Variants in MBOAT4 observed in about 807,000 individuals in gnomAD.
MBOAT4 encodes membrane bound ghrelin O-acyltransferase MBOAT4.
MBOAT4 carries 11 observed loss-of-function variants against 13.2 expected under a neutral mutation model. The ratio of observed to expected loss-of-function variants is 0.84; its 90% CI spans 0.53 to 1.38. The LOEUF (loss-of-function observed/expected upper bound fraction) is 1.38. MBOAT4 is among the 40% of genes most tolerant of loss of function. MBOAT4 has a pLI of 0.00. For missense variants in MBOAT4, 481 were observed against 527.2 expected (o/e 0.91, Z 0.86); for synonymous variants, 202 against 210.3 (o/e 0.96, Z 0.34).
At chr8:30,143,647 T>C (rs886439471) in intron 1 of MBOAT4, among the ~76,000 whole-genome samples, 1 of 152,188 alleles carries the variant, frequency 6.6e-6, no homozygotes, top group Non-Finnish European at 1.5e-5. Context: ...GTGATAATTT[T>C]TGAACTTCAA....
At chr8:30,141,038 G>T (rs1341740924) in intron 1 of MBOAT4, among the ~76,000 whole-genome samples, 1 of 151,822 alleles carries the variant, frequency 6.6e-6, no homozygotes, top group East Asian at 1.9e-4. Flanking sequence ...ATGGGGATTT[G>T]CCATGTTGCC....
chr8:30,142,903 A>C (rs947580529), intron 1 of MBOAT4, among the ~76,000 whole-genome samples: 4 of 152,236 alleles, frequency 2.6e-5, no homozygotes, highest in South Asian at 4.1e-4. Context: ...TTATTTAAGA[A>C]TCCCAATATA....
chr8:30,136,542 C>T (rs2117541444), intron 2 of MBOAT4, among the ~76,000 whole-genome samples: 1 of 152,318 alleles, frequency 6.6e-6, no homozygotes, highest in East Asian at 1.9e-4. Context: ...TCTGCTCCAG[C>T]CTGCCTCGCA....
chr8:30,132,032 A>G lies in MBOAT4; in HGVS notation c.1219T>C (p.Leu407=). The G allele has an allele frequency of 1.9e-6, 3 of 1,551,884 alleles. No individual in the cohort carries two copies. The highest frequency in any genetic ancestry group is 2.7e-5 in the African/African-American group (2 of 73,154). Residue 407 remains leucine (L), a synonymous_variant, in exon 3 of 3, where the codon TTG becomes CTG. Transcript: ENST00000320542. ...ACACTGTTGTACGAATTACAGAGCA[A>G]CCAGAGAGAGGAGAGACTCCTGACC... ...VEVRSLSSLW[L]LCNSYNSVFP...
Position 30,132,917 on chromosome 8 carries a change from A to AT in MBOAT4, c.345-12dup. The AT allele has an allele frequency of 6.7e-7, 1 of 1,496,358 alleles. No individual in the cohort carries two copies. Among genetic ancestry groups the AT allele is most frequent in the Non-Finnish European group, 8.9e-7 (1 of 1,123,458 alleles). 92.7% of individuals were successfully genotyped at this position (1,496,358 alleles called of 1,614,324 possible). On this transcript the variant is annotated splice_polypyrimidine_tract_variant and intron_variant, in intron 2 of 2. Transcript: ENST00000320542. The stretch of plus-strand genomic sequence containing the variant: ...AGAGTGATGCAGAACCTGCAAGATA[A>AT]TTTTTTAAAGAACATAAAAACACTC...
intron 1 of MBOAT4, among the ~76,000 whole-genome samples, chr8:30,143,312 C>T (rs1386144353): frequency 7.0e-6 from 1 of 143,872 alleles, no homozygotes; most frequent in African/African-American, 2.7e-5. Flanking sequence ...CGTGCCACTG[C>T]ACTCCAGCCT....
Position 30,138,736 on chromosome 8 carries a change from C to T in MBOAT4, c.140G>A (p.Gly47Glu). The T allele has an allele frequency of 1.3e-6, 2 of 1,549,868 alleles. No homozygotes were observed. The highest frequency in any genetic ancestry group is 1.2e-5 in the South Asian group (1 of 83,982). ...TRARYLFLLT[G>E]GGALAVAAMG... ...GGCAGCCACGGCCAGGGCACCTCCT[C>T]CAGTCAGGAGAAAGAGGTACCTGAA... is the stretch of plus-strand genomic sequence containing the variant. Residue 47 changes from glycine (G) to glutamate (E), a missense_variant, in exon 2 of 3, where the codon GGA (glycine) becomes GAA (glutamate). Coordinates refer to ENST00000320542, the MANE Select transcript of MBOAT4 (RefSeq NM_001100916.2).
At chr8:30,134,734 G>C (rs1452677057) in intron 2 of MBOAT4, among the ~76,000 whole-genome samples, 1 of 152,074 alleles carries the variant, frequency 6.6e-6, no homozygotes, top group Non-Finnish European at 1.5e-5. Context: ...TTTTAGTAGA[G>C]ACAGGGTTTC....
At chr8:30,144,019 C>A (rs574382069) in intron 1 of MBOAT4, among the ~76,000 whole-genome samples, 2 of 152,230 alleles carry the variant, frequency 1.3e-5, no homozygotes, top group African/African-American at 4.8e-5. Context: ...TATATATATT[C>A]ATTATCAAAT....
chr8:30,132,276 C>T lies in MBOAT4; in HGVS notation c.975G>A (p.Trp325Ter), dbSNP rs1466537760. ...RRLVFQHSRA[W>*]PLLQTFAFSA... ...AGAAGGCAAATGTCTGCAACAACGG[C>T]CAAGCCCTGCTGTGCTGGAATACAA... The change falls in exon 3 of 3, where the codon TGG becomes TGA. Residue 325 changes from tryptophan to a stop codon, truncating the protein, a stop_gained. Coordinates refer to ENST00000320542, the MANE Select transcript of MBOAT4 (RefSeq NM_001100916.2). LOFTEE classifies it low-confidence loss of function (END_TRUNC). 1.3e-6 allele frequency: 2 copies of T among 1,551,766 alleles called. No individual in the cohort carries two copies. The highest frequency in any genetic ancestry group is 2.0e-5 in the Admixed American group (1 of 51,008).
In MBOAT4 at chr8:30,138,770, G is replaced by A. The variant is rs144362834; in HGVS notation, c.120-14C>T. ...AGAAAGAGGTACCTGAAAGAGAAGGGACACCTTGGGGAGAATGACTTAGAA... is the reference window on the plus strand; with the variant it reads ...AGAAAGAGGTACCTGAAAGAGAAGGAACACCTTGGGGAGAATGACTTAGAA... On this transcript the variant is annotated splice_polypyrimidine_tract_variant and intron_variant, in intron 1 of 2. Coordinates refer to ENST00000320542, the MANE Select transcript of MBOAT4 (RefSeq NM_001100916.2). The A allele has an allele frequency of 5.4e-5, 83 of 1,540,374 alleles. No homozygotes were observed. The African/African-American group carries it at 1.0e-3, about 19-fold the overall frequency.
rs1035511932 is a variant in MBOAT4, at chr8:30,132,274, G to A, written c.977C>T (p.Pro326Leu). The A allele has an allele frequency of 6.4e-7, 1 of 1,551,636 alleles. No individual in the cohort carries two copies. Among genetic ancestry groups the A allele is most frequent in the African/African-American group, 1.4e-5 (1 of 73,060 alleles). The change falls in exon 3 of 3, where the codon CCG becomes CTG. Residue 326 changes from proline (P) to leucine (L), a missense_variant. By Grantham distance (98) the Pro-to-Leu change is moderately conservative (BLOSUM62 -3). Transcript: ENST00000320542. The part of the protein sequence containing the change: ...RLVFQHSRAW[P>L]LLQTFAFSAW... ...AGAGAAGGCAAATGTCTGCAACAAC[G>A]GCCAAGCCCTGCTGTGCTGGAATAC... is the stretch of plus-strand genomic sequence containing the variant.
Position 30,132,736 on chromosome 8 carries a change from A to G in MBOAT4, c.515T>C (p.Phe172Ser). Residue 172 changes from phenylalanine (F) to serine (S), a missense_variant, in exon 3 of 3, where the codon TTC (phenylalanine) becomes TCC (serine). Phe to Ser is a radical substitution (Grantham distance 155). Transcript: ENST00000320542. ...CAGAGAGCCTCCCAGGAGAGCAGGG[A>G]AAAAGAGCAAGTAGCTGAAATAGGG... ...ALPYFSYLLF[F>S]PALLGGSLCS... 6.4e-7 allele frequency: 1 copy of G among 1,551,734 alleles called. No individual in the cohort carries two copies. The highest frequency in any genetic ancestry group is 8.7e-7 in the Non-Finnish European group (1 of 1,147,022).
intron 2 of MBOAT4, chr8:30,138,233 C>A (rs764212364): frequency 4.0e-6 from 1 of 248,820 alleles, no homozygotes; most frequent in Non-Finnish European, 7.9e-6. Flanking sequence ...ACAGCCAGCT[C>A]TCTGTGAATT....
chr8:30,131,933 G>C lies in MBOAT4; in HGVS notation c.*10C>G. The C allele has an allele frequency of 6.5e-7, 1 of 1,537,880 alleles. No homozygotes were observed. The highest frequency in any genetic ancestry group is 2.5e-5 in the East Asian group (1 of 40,682). ...TCCTGGGTGTTTAAGGTGAAAGCCA[G>C]GGAAAGATGTCAGTTACATTTGTGC... On this transcript the variant is annotated 3_prime_UTR_variant, in exon 3 of 3. Coordinates refer to ENST00000320542, the MANE Select transcript of MBOAT4 (RefSeq NM_001100916.2).
intron 1 of MBOAT4, among the ~76,000 whole-genome samples, chr8:30,143,361 A>T (rs1803294064): frequency 4.1e-4 from 1 of 2,466 alleles, no homozygotes. Context: ...AAAAAAAAAA[A>T]AAAAAATATA....
At chr8:30,141,669 GAAAAT>G (rs1044974096) in intron 1 of MBOAT4, among the ~76,000 whole-genome samples, 3 of 151,772 alleles carry the variant, frequency 2.0e-5, no homozygotes, top group African/African-American at 4.8e-5. Context: ...AAAGAAAAGC[GAAAAT>G]AAAAGAAAAG....
intron 1 of MBOAT4, among the ~76,000 whole-genome samples, chr8:30,140,005 G>A (rs1018473945): frequency 5.9e-5 from 9 of 152,042 alleles, no homozygotes; most frequent in African/African-American, 1.9e-4. Context: ...ATCCTGTCAC[G>A]AAAAATCTGC....
chr8:30,135,913 G>GAAA (rs36032566), intron 2 of MBOAT4, among the ~76,000 whole-genome samples: 18 of 128,860 alleles, frequency 1.4e-4, no homozygotes, highest in East Asian at 2.2e-4. Flanking sequence ...GACCTTGTCT[G>GAAA]AAAAAAAAAA....
Sources: allele counts gnomAD v4.1 joint callset (sites outside exome capture counted in the v4.1 genomes callset), GRCh38; gene constraint gnomAD v4.1.1; transcripts MANE v1.5; gene names NCBI Gene and HGNC (gene_info 2026-07-23, HGNC 2026-07-21).